The following IGF2BP3 variants were observed in gnomAD, a reference collection of about 807,000 sequenced individuals.
IGF2BP3 encodes insulin like growth factor 2 mRNA binding protein 3.
In IGF2BP3, 9 loss-of-function variants were observed where a neutral mutation model predicts 73.8. That is an observed-to-expected ratio of 0.12 (90% confidence interval 0.07 to 0.21). The LOEUF (loss-of-function observed/expected upper bound fraction) is 0.21, where lower values mean the gene tolerates loss of function less well. IGF2BP3 is among the 10% of genes least tolerant of loss of function. The pLI, the probability that IGF2BP3 is intolerant of heterozygous loss-of-function variation, is 1.00. For synonymous variants in IGF2BP3, 258 were observed against 256.7 expected, an observed-to-expected ratio of 1.01 and a Z score of -0.05; for missense variants, 542 against 714.0, an observed-to-expected ratio of 0.76 and a Z score of 2.75.
intron 11 of IGF2BP3, among the ~76,000 whole-genome samples, chr7:23,318,528 C>A (rs1427211448): frequency 1.3e-5 from 2 of 152,104 alleles, no homozygotes; most frequent in African/African-American, 4.8e-5. Context: ...CCTGGCCAAC[C>A]TTTATTTTCC....
At chr7:23,370,517 C>A (rs274044) in intron 3 of IGF2BP3, among the ~76,000 whole-genome samples, 14,170 of 152,146 alleles carry the variant, frequency 0.093, 1,523 homozygotes, top group African/African-American at 0.26. Context: ...GTGGCTCTAA[C>A]ACAGAGCTGC....
At chr7:23,361,507 A>T (rs774154858) in intron 5 of IGF2BP3, 27 bp downstream of exon 5, 1 of 1,578,506 alleles carries the variant, frequency 6.3e-7, no homozygotes, top group East Asian at 2.2e-5. Flanking sequence ...GTTATTATAT[A>T]TAGATTAAAA....
At chr7:23,428,632 A>T (rs1787586620) in intron 2 of IGF2BP3, among the ~76,000 whole-genome samples, 1 of 151,070 alleles carries the variant, frequency 6.6e-6, no homozygotes, top group Non-Finnish European at 1.5e-5. Context: ...GCTTGGGCCC[A>T]CGAAGTTGAG....
rs755502517 is a variant in IGF2BP3, at chr7:23,361,678, GA to G, written c.337+11del. On this transcript the variant is annotated intron_variant, in intron 4 of 14. Coordinates refer to ENST00000258729, the MANE Select transcript of IGF2BP3 (RefSeq NM_006547.3). ...CTTTTACAAATTTGAAAGCAATTCA[GA>G]AGACATGTACCTTGCTCACAGCTCT... 3 of 1,613,846 alleles carry G rather than the reference GA, an allele frequency of 1.9e-6. No individual in the cohort carries two copies. The highest frequency in any genetic ancestry group is 2.5e-6 in the Non-Finnish European group (3 of 1,179,802).
At chr7:23,452,685 C>G (rs1432471043) in intron 2 of IGF2BP3, among the ~76,000 whole-genome samples, 1 of 151,260 alleles carries the variant, frequency 6.6e-6, no homozygotes, top group Non-Finnish European at 1.5e-5. Flanking sequence ...ACCTGTAATC[C>G]CAGCTACTCG....
intron 2 of IGF2BP3, among the ~76,000 whole-genome samples, chr7:23,454,982 A>C (rs776541082): frequency 6.6e-6 from 1 of 152,204 alleles, no homozygotes; most frequent in Non-Finnish European, 1.5e-5. Flanking sequence ...CTGTCAGAGG[A>C]TACCCTAAGA....
At chr7:23,416,295 G>A (rs1358183453) in intron 3 of IGF2BP3, 1 of 152,158 alleles carries the variant, frequency 6.6e-6, no homozygotes, top group African/African-American at 2.4e-5. Flanking sequence ...GCTTCACAGG[G>A]CTATTTACAT....
intron 2 of IGF2BP3, among the ~76,000 whole-genome samples, chr7:23,440,164 G>A (rs2128544748): frequency 6.6e-6 from 1 of 152,150 alleles, no homozygotes; most frequent in South Asian, 2.1e-4. Flanking sequence ...TCGGGAGGCT[G>A]AGGCAGGAGA....
At chr7:23,377,834 G>A (rs1785775385) in intron 3 of IGF2BP3, among the ~76,000 whole-genome samples, 3 of 152,134 alleles carry the variant, frequency 2.0e-5, no homozygotes, top group Admixed American at 2.0e-4. Context: ...GCTAAGTGAA[G>A]GAAGCCAGAC....
chr7:23,384,203 T>C (rs1272937122), intron 3 of IGF2BP3, among the ~76,000 whole-genome samples: 1 of 149,864 alleles, frequency 6.7e-6, no homozygotes, highest in Non-Finnish European at 1.5e-5. Context: ...AAAGACCACA[T>C]ATTATATGAC....
intron 3 of IGF2BP3, among the ~76,000 whole-genome samples, chr7:23,387,662 G>A (rs1472862052): frequency 2.0e-5 from 3 of 151,842 alleles, no homozygotes; most frequent in African/African-American, 7.3e-5. Flanking sequence ...TAAATTATCT[G>A]ATTTTAAAAA....
At position 23,406,005 on chromosome 7, in the gene IGF2BP3, C is replaced by T. The variant is rs963238546; in HGVS notation, c.285+12771G>A. Among the ~76,000 whole-genome samples, 3 of 151,420 alleles carry T rather than the reference C, an allele frequency of 2.0e-5. No individual in the cohort carries two copies. The East Asian group carries it at 5.8e-4, about 29-fold the overall frequency. ...ACACAGACTCTACAACCGGTGAGTTCTCTTCAGAACCTCTGGACGACTGTT... is the reference window on the plus strand; with the variant it reads ...ACACAGACTCTACAACCGGTGAGTTTTCTTCAGAACCTCTGGACGACTGTT... On this transcript the variant is annotated intron_variant, in intron 3 of 14. Coordinates refer to ENST00000258729, the MANE Select transcript of IGF2BP3 (RefSeq NM_006547.3).
At chr7:23,451,676 C>T (rs984896891) in intron 2 of IGF2BP3, among the ~76,000 whole-genome samples, 5 of 152,048 alleles carry the variant, frequency 3.3e-5, no homozygotes, top group African/African-American at 1.2e-4. Flanking sequence ...GGGCTGGGCA[C>T]GGTGGCTCAC....
chr7:23,358,800 A>G (rs76942858), intron 5 of IGF2BP3, among the ~76,000 whole-genome samples: 1 of 152,322 alleles, frequency 6.6e-6, no homozygotes, highest in African/African-American at 2.4e-5. Context: ...CACTCCTTAG[A>G]TTAACTTTTA....
At chr7:23,462,422 C>T (rs927432676) in intron 2 of IGF2BP3, among the ~76,000 whole-genome samples, 2 of 150,772 alleles carry the variant, frequency 1.3e-5, no homozygotes, top group Non-Finnish European at 2.9e-5. Flanking sequence ...AGTGCAGTAG[C>T]GCGATCTCAG....
At chr7:23,443,189 G>C (rs1047905474) in intron 2 of IGF2BP3, among the ~76,000 whole-genome samples, 6 of 141,830 alleles carry the variant, frequency 4.2e-5, no homozygotes, top group African/African-American at 8.0e-5. Flanking sequence ...GCAGTGGTGC[G>C]ATCTCGGCTC....
At chr7:23,408,064 A>G (rs956556597) in intron 3 of IGF2BP3, among the ~76,000 whole-genome samples, 9 of 152,084 alleles carry the variant, frequency 5.9e-5, no homozygotes, top group African/African-American at 2.2e-4. Flanking sequence ...TTCACTCATC[A>G]TATAGATTGT....
intron 7 of IGF2BP3, among the ~76,000 whole-genome samples, chr7:23,347,391 A>G (rs953863898): frequency 1.6e-4 from 24 of 152,162 alleles, no homozygotes; most frequent in African/African-American, 5.6e-4. Flanking sequence ...CCCCGTTATC[A>G]CCACTCGCCT....
intron 3 of IGF2BP3, among the ~76,000 whole-genome samples, chr7:23,371,340 G>C: frequency 1.3e-5 from 2 of 152,210 alleles, no homozygotes; most frequent in Middle Eastern, 6.8e-3. Flanking sequence ...AAACAGCTCA[G>C]CACAGTTTAT....
Sources: allele counts gnomAD v4.1 joint callset (sites outside exome capture counted in the v4.1 genomes callset), GRCh38; gene constraint gnomAD v4.1.1; transcripts MANE v1.5; gene names NCBI Gene and HGNC (gene_info 2026-07-23, HGNC 2026-07-21).